Variants in VPS37A observed in about 807,000 individuals in gnomAD.
VPS37A encodes the protein vacuolar protein sorting-associated protein 37A.
VPS37A carries 30 observed loss-of-function variants against 49.8 expected under a neutral mutation model. That is an observed-to-expected ratio of 0.60 (90% CI 0.45 to 0.82). The LOEUF is 0.82. Among genes scored for constraint, VPS37A ranks in the 40% least tolerant of loss-of-function variants. The pLI is 0.00. For missense variants in VPS37A, 593 were observed against 464.4 expected (o/e 1.28, Z -2.55); for synonymous variants, 195 against 160.6 (o/e 1.21, Z -1.62).
chr8:17,309,048 G>A, the VPS37A span, among the ~76,000 whole-genome samples: 1 of 152,204 alleles, frequency 6.6e-6, no homozygotes, highest in African/African-American at 2.4e-5. Context: ...AGCATTCTCT[G>A]TCTCTTCTAG....
chr8:17,307,787 CA>C, the VPS37A span, among the ~76,000 whole-genome samples: 1 of 149,412 alleles, frequency 6.7e-6, no homozygotes, highest in Non-Finnish European at 1.5e-5. Flanking sequence ...ATCGCAAGGA[CA>C]AAAAAACCAA....
intron 6 of VPS37A, among the ~76,000 whole-genome samples, chr8:17,277,394 T>A (rs1814609815): frequency 6.6e-6 from 1 of 152,104 alleles, no homozygotes; most frequent in Non-Finnish European, 1.5e-5. Flanking sequence ...TTTAAATAAT[T>A]GTTATGAAAA....
At chr8:17,302,298 G>C (rs1405459005), downstream of VPS37A, 2 of 1,611,066 alleles carry the variant, frequency 1.2e-6, no homozygotes, top group African/African-American at 2.7e-5. Context: ...GGATGGCAAA[G>C]CGTCGTGATA....
chr8:17,291,429 GAT>G (rs1816141566), intron 11 of VPS37A, among the ~76,000 whole-genome samples: 1 of 132,616 alleles, frequency 7.5e-6, no homozygotes, highest in Non-Finnish European at 1.6e-5. Flanking sequence ...TGGATTCATT[GAT>G]TTTTTTTTTT....
At chr8:17,286,501 G>C in intron 11 of VPS37A, 74 bp downstream of exon 11, 1 of 1,326,238 alleles carries the variant, frequency 7.5e-7, no homozygotes, top group Middle Eastern at 1.8e-4. Flanking sequence ...TGTTAACGGT[G>C]CCTGTTCATC....
At chr8:17,304,592 C>A, downstream of VPS37A, 2 of 1,488,352 alleles carry the variant, frequency 1.3e-6, no homozygotes, top group South Asian at 1.2e-5. Context: ...TATATTAATG[C>A]TGGAAAGGAA....
At chr8:17,278,994 A>G (rs541632726) in intron 6 of VPS37A, among the ~76,000 whole-genome samples, 2 of 152,158 alleles carry the variant, frequency 1.3e-5, no homozygotes, top group South Asian at 4.1e-4. Flanking sequence ...CCCTACAGAT[A>G]CCCATTTTTG....
chr8:17,247,136 C>A lies in VPS37A; in HGVS notation c.-109C>A. 1 of 1,459,734 alleles carries A rather than the reference C, an allele frequency of 6.9e-7. No individual in the cohort carries two copies. Among genetic ancestry groups the A allele is most frequent in the Non-Finnish European group, 9.3e-7 (1 of 1,077,468 alleles). 90.4% of individuals were successfully genotyped at this position (1,459,734 alleles called of 1,614,324 possible). A position where few individuals can be genotyped will look rare whatever the true frequency, so the allele number is the denominator to read the frequency against. On this transcript the variant is annotated 5_prime_UTR_variant, in exon 1 of 12. Transcript: ENST00000324849. ...GAAGACGCGGTCCCCAGCGCTTGGG[C>A]CACGGACGTCCCACCCCGCTCCTCT...
chr8:17,288,124 G>A (rs1428230885), intron 11 of VPS37A, among the ~76,000 whole-genome samples: 1 of 152,180 alleles, frequency 6.6e-6, no homozygotes, highest in Non-Finnish European at 1.5e-5. Flanking sequence ...GCCAGCTTAA[G>A]AAGAAGTAGA....
intron 1 of VPS37A, among the ~76,000 whole-genome samples, chr8:17,250,065 T>C (rs1217329856): frequency 3.3e-5 from 5 of 152,182 alleles, no homozygotes. Flanking sequence ...AGTGAGGGTC[T>C]TCAGGGCGGA....
intron 1 of VPS37A, among the ~76,000 whole-genome samples, chr8:17,255,988 G>A (rs1812410548): frequency 6.6e-6 from 1 of 152,078 alleles, no homozygotes; most frequent in Admixed American, 6.6e-5. Flanking sequence ...GAATAGTGCT[G>A]CAATAAACGT....
At chr8:17,274,658 T>G in intron 4 of VPS37A, 75 bp from the exon 5 acceptor site, 1 of 1,227,998 alleles carries the variant, frequency 8.1e-7, no homozygotes, top group Non-Finnish European at 1.2e-6. Context: ...CTTTGTTATT[T>G]AGAACAATTT....
chr8:17,320,009 A>G, the VPS37A span, among the ~76,000 whole-genome samples: 1 of 152,336 alleles, frequency 6.6e-6, no homozygotes, highest in African/African-American at 2.4e-5. Context: ...ATCAAATTTT[A>G]AAGGCATGCT....
chr8:17,304,258 T>C (rs1328112649), downstream of VPS37A: 2 of 1,076,568 alleles, frequency 1.9e-6, no homozygotes, highest in Non-Finnish European at 1.3e-6. Context: ...CTCCCTCTGG[T>C]GTCTTTTGTG....
chr8:17,320,927 A>G, the VPS37A span, among the ~76,000 whole-genome samples: 1 of 152,142 alleles, frequency 6.6e-6, no homozygotes, highest in South Asian at 2.1e-4. Context: ...AAATACACAC[A>G]TTCCACTGCG....
downstream of VPS37A, among the ~76,000 whole-genome samples, chr8:17,302,644 C>G (rs1380779390): frequency 2.2e-5 from 3 of 136,358 alleles, no homozygotes; most frequent in African/African-American, 8.1e-5. Context: ...GAATCTTAAA[C>G]TTGCAGCTTT....
downstream of VPS37A, chr8:17,302,268 T>G (rs564846266): frequency 1.2e-6 from 2 of 1,613,148 alleles, no homozygotes; most frequent in East Asian, 2.2e-5. Flanking sequence ...GGTTATACAT[T>G]CCACTCCAAA....
At chr8:17,311,656 CAA>C in the VPS37A span, 2 of 1,613,798 alleles carry the variant, frequency 1.2e-6, no homozygotes, top group Non-Finnish European at 1.7e-6. Flanking sequence ...ACACGATCCG[CAA>C]AGAGTCACAA....
At chr8:17,301,335 G>A (rs1817097000), downstream of VPS37A, among the ~76,000 whole-genome samples, 1 of 152,164 alleles carries the variant, frequency 6.6e-6, no homozygotes, top group South Asian at 2.1e-4. Context: ...GTTTCAGGGA[G>A]GAAGGAACAT....
Sources: allele counts gnomAD v4.1 joint callset (sites outside exome capture counted in the v4.1 genomes callset), GRCh38; gene constraint gnomAD v4.1.1; transcripts MANE v1.5; gene names NCBI Gene and HGNC (gene_info 2026-07-23, HGNC 2026-07-21).